Variants in SEMA5A observed in about 807,000 individuals in gnomAD.
SEMA5A encodes semaphorin-5A.
SEMA5A carries 55 observed loss-of-function variants against 135.5 expected under a neutral mutation model. The observed-to-expected ratio is 0.41, with a 90% CI of 0.33 to 0.51. SEMA5A has a LOEUF of 0.51. Ranked by LOEUF, SEMA5A falls within the 20% of genes least tolerant of loss-of-function variation. SEMA5A has a pLI of 0.37. For missense variants in SEMA5A, 1,290 were observed against 1,419.9 expected (o/e 0.91, Z 1.47); for synonymous variants, 580 against 546.5 (o/e 1.06, Z -0.85).
In SEMA5A at chr5:9,358,377, C is replaced by T. The variant is rs563610067; in HGVS notation, c.125-20565G>A. Among the ~76,000 whole-genome samples the T allele has an allele frequency of 2.0e-5, 3 of 152,268 alleles. No individual in the cohort carries two copies. In the East Asian group the frequency reaches 5.8e-4, roughly 29 times the overall value. On this transcript the variant is annotated intron_variant, in intron 3 of 22. Coordinates refer to ENST00000382496, the MANE Select transcript of SEMA5A (RefSeq NM_003966.3). ...AGCTCCCTTGACTTCCCTTTCCTTACCTGGTGGTCTGACGCCTGTCGTTCT... is the reference window on the plus strand; with the variant it reads ...AGCTCCCTTGACTTCCCTTTCCTTATCTGGTGGTCTGACGCCTGTCGTTCT...
At chr5:9,305,010 C>A (rs542687144) in intron 5 of SEMA5A, among the ~76,000 whole-genome samples, 1 of 152,232 alleles carries the variant, frequency 6.6e-6, no homozygotes, top group African/African-American at 2.4e-5. Context: ...TGGAAAGATG[C>A]CTTCGGTAAC....
intron 2 of SEMA5A, among the ~76,000 whole-genome samples, chr5:9,394,204 T>C (rs2126539170): frequency 6.6e-6 from 1 of 152,230 alleles, no homozygotes; most frequent in South Asian, 2.1e-4. Context: ...ACAGTCCTTC[T>C]TAGGCCCCAC....
chr5:9,165,794 G>A (rs915370825), intron 11 of SEMA5A, among the ~76,000 whole-genome samples: 2 of 152,130 alleles, frequency 1.3e-5, no homozygotes, highest in Non-Finnish European at 2.9e-5. Context: ...CGTCACCATG[G>A]CAACAGATCA....
chr5:9,097,722 C>A, intron 16 of SEMA5A, among the ~76,000 whole-genome samples: 1 of 151,944 alleles, frequency 6.6e-6, no homozygotes, highest in East Asian at 1.9e-4. Flanking sequence ...GGCCCAAGTG[C>A]CATATGGCAT....
intron 6 of SEMA5A, among the ~76,000 whole-genome samples, chr5:9,229,572 G>A (rs181844638): frequency 8.5e-4 from 129 of 152,274 alleles, no homozygotes; most frequent in African/African-American, 2.7e-3. Context: ...CAAGCTGATG[G>A]ACTTAATGGA....
intron 10 of SEMA5A, 90 bp downstream of exon 10, chr5:9,197,078 G>A (rs552549882): frequency 2.6e-6 from 4 of 1,550,892 alleles, no homozygotes; most frequent in African/African-American, 1.4e-5. Context: ...GCATGCACCC[G>A]CGGTTTAAAT....
intron 1 of SEMA5A, among the ~76,000 whole-genome samples, chr5:9,507,436 A>G (rs1237985425): frequency 6.6e-6 from 1 of 152,192 alleles, no homozygotes; most frequent in African/African-American, 2.4e-5. Context: ...TTCTTCAGGA[A>G]TAAATTGACT....
At chr5:9,353,236 GAAGGA>G (rs1754261597) in intron 3 of SEMA5A, among the ~76,000 whole-genome samples, 7 of 122,842 alleles carry the variant, frequency 5.7e-5, no homozygotes, top group Admixed American at 1.7e-4. Flanking sequence ...GAAAGGAAAG[GAAGGA>G]AAGGGAAGGG....
intron 8 of SEMA5A, among the ~76,000 whole-genome samples, chr5:9,213,398 G>C (rs1746447952): frequency 6.6e-6 from 1 of 152,206 alleles, no homozygotes; most frequent in African/African-American, 2.4e-5. Flanking sequence ...AACATTAATA[G>C]CTGAGGCTAA....
intron 5 of SEMA5A, among the ~76,000 whole-genome samples, chr5:9,314,373 GA>G (rs34088756): frequency 2.5e-3 from 307 of 120,472 alleles, no homozygotes; most frequent in East Asian, 7.0e-3. Flanking sequence ...CTGAGTTCCA[GA>G]AAAAAAAAAA....
intron 8 of SEMA5A, among the ~76,000 whole-genome samples, chr5:9,207,134 A>ATATATATATAT (rs1491507145): frequency 3.0e-3 from 414 of 139,320 alleles, no homozygotes; most frequent in East Asian, 3.7e-3. Flanking sequence ...ATATATATAT[A>ATATATATATAT]AAGCTTAAAG....
intron 1 of SEMA5A, among the ~76,000 whole-genome samples, chr5:9,522,310 C>T (rs1326236834): frequency 2.6e-5 from 4 of 152,156 alleles, no homozygotes; most frequent in Non-Finnish European, 4.4e-5. Context: ...AGGAGGGGAA[C>T]GGTGGCTCAC....
At chr5:9,274,497 G>A (rs898366727) in intron 5 of SEMA5A, among the ~76,000 whole-genome samples, 4 of 152,236 alleles carry the variant, frequency 2.6e-5, no homozygotes, top group Admixed American at 2.6e-4. Flanking sequence ...GACATCTACA[G>A]AACTCTCCAC....
intron 5 of SEMA5A, among the ~76,000 whole-genome samples, chr5:9,254,204 G>A (rs1314571460): frequency 6.6e-6 from 1 of 152,166 alleles, no homozygotes; most frequent in Non-Finnish European, 1.5e-5. Flanking sequence ...GATATAATAT[G>A]AGCTTTTCTA....
At chr5:9,331,999 G>A (rs1220491264) in intron 4 of SEMA5A, among the ~76,000 whole-genome samples, 1 of 152,206 alleles carries the variant, frequency 6.6e-6, no homozygotes, top group Non-Finnish European at 1.5e-5. Context: ...TAAGTCAAGG[G>A]GTTTAGTGCA....
chr5:9,485,052 T>C (rs942482284), intron 1 of SEMA5A, among the ~76,000 whole-genome samples: 7 of 152,206 alleles, frequency 4.6e-5, no homozygotes, highest in Admixed American at 6.5e-5. Context: ...TTAGTAAAGC[T>C]ACAGTTCAGA....
rs961561941 is a variant in SEMA5A at position 9,160,984 on chromosome 5, G to T, written c.1274-6289C>A. On this transcript the variant is annotated intron_variant, in intron 11 of 22. Coordinates refer to ENST00000382496, the MANE Select transcript of SEMA5A (RefSeq NM_003966.3). Reference sequence around the variant, plus strand: ...AAGAAATTACCCCCAAAGAATTCCAGCCACAAGAAATGACCCATGAAACAC... The same window carrying T: ...AAGAAATTACCCCCAAAGAATTCCATCCACAAGAAATGACCCATGAAACAC... Among the ~76,000 whole-genome samples, 4 of 152,084 alleles carry T rather than the reference G, an allele frequency of 2.6e-5. No homozygotes were observed. The East Asian group carries it at 7.7e-4, about 29-fold the overall frequency.
At chr5:9,072,635 G>A (rs913297771) in intron 16 of SEMA5A, among the ~76,000 whole-genome samples, 6 of 152,160 alleles carry the variant, frequency 3.9e-5, no homozygotes, top group African/African-American at 1.4e-4. Flanking sequence ...ACCAAAAGGG[G>A]CCTTGCTTCC....
chr5:9,235,533 A>AGAGGAAAGGAAAGAG (rs1747856463), intron 6 of SEMA5A, among the ~76,000 whole-genome samples: 41 of 152,186 alleles, frequency 2.7e-4, no homozygotes, highest in Admixed American at 2.0e-3. Flanking sequence ...TCAGTGGAAC[A>AGAGGAAAGGAAAGAG]TCTTTAAACG....
Sources: gnomAD v4.1 joint callset for allele counts (sites outside exome capture counted in the v4.1 genomes callset) on GRCh38, gnomAD v4.1.1 for gene constraint, MANE v1.5 for transcripts, NCBI Gene and HGNC (gene_info 2026-07-23, HGNC 2026-07-21) for gene names.